AOPEP: variants seen among roughly 807,000 people sequenced by gnomAD.
AOPEP encodes aminopeptidase O (putative), also known as aminopeptidase O.
In AOPEP, 77 loss-of-function variants were observed where a neutral mutation model predicts 98.1. That is an observed-to-expected ratio of 0.78 (90% confidence interval 0.65 to 0.95). The LOEUF is 0.95. Ranked by LOEUF, AOPEP falls within the 40% of genes least tolerant of loss-of-function variation. The pLI, the probability that AOPEP is intolerant of heterozygous loss-of-function variation, is 0.00. For synonymous variants in AOPEP, 346 were observed against 365.3 expected (o/e 0.95, Z 0.60); for missense variants, 1,024 against 1,024.7 (o/e 1.00, Z 0.01).
At chr9:95,127,836 ACTG>A in the AOPEP span, among the ~76,000 whole-genome samples, 1 of 152,192 alleles carries the variant, frequency 6.6e-6, no homozygotes, top group African/African-American at 2.4e-5. Context: ...ACTGGTCAGC[ACTG>A]CTGGACCCGC....
intron 5 of AOPEP, among the ~76,000 whole-genome samples, chr9:94,857,752 C>A (rs1241380203): frequency 6.6e-6 from 1 of 152,140 alleles, no homozygotes; most frequent in Non-Finnish European, 1.5e-5. Flanking sequence ...CTTATCATTT[C>A]ATGGAATGTG....
intron 5 of AOPEP, among the ~76,000 whole-genome samples, chr9:94,891,990 C>T (rs962727244): frequency 2.6e-5 from 4 of 152,178 alleles, no homozygotes; most frequent in Non-Finnish European, 5.9e-5. Context: ...TCTTTCAGCA[C>T]TTGAAAAATA....
At chr9:94,997,077 T>C (rs2061291454) in intron 11 of AOPEP, among the ~76,000 whole-genome samples, 1 of 152,172 alleles carries the variant, frequency 6.6e-6, no homozygotes, top group African/African-American at 2.4e-5. Flanking sequence ...AGCACTAAGA[T>C]TGGGTTCCTA....
intron 13 of AOPEP, 114 bp from the exon 14 acceptor site, chr9:95,060,580 A>G (rs1688093418): frequency 4.1e-6 from 3 of 739,646 alleles, no homozygotes; most frequent in African/African-American, 1.7e-5. Context: ...TGTTGCCAAT[A>G]TATGCTGAAA....
chr9:95,071,164 A>G (rs1439352438), intron 14 of AOPEP, among the ~76,000 whole-genome samples: 2 of 152,196 alleles, frequency 1.3e-5, no homozygotes, highest in Non-Finnish European at 2.9e-5. Flanking sequence ...TTCAGATTTC[A>G]GATTTTTTTC....
intron 5 of AOPEP, among the ~76,000 whole-genome samples, chr9:94,886,561 C>T (rs542320550): frequency 1.8e-4 from 28 of 151,996 alleles, no homozygotes; most frequent in Non-Finnish European, 3.5e-4. Flanking sequence ...AAATTTTTTG[C>T]AACAAACATA....
intron 5 of AOPEP, among the ~76,000 whole-genome samples, chr9:94,922,157 C>A (rs2053710625): frequency 6.6e-6 from 1 of 152,222 alleles, no homozygotes; most frequent in Admixed American, 6.5e-5. Context: ...TTCCTTCAGG[C>A]CCTCGCAGAC....
At chr9:94,773,354 A>C (rs1427814731) in intron 3 of AOPEP, 186 bp downstream of exon 3, 1 of 494,572 alleles carries the variant, frequency 2.0e-6, no homozygotes, top group Non-Finnish European at 3.6e-6. Flanking sequence ...GAGCCTGGGC[A>C]TGGGATTTGG....
rs139797365 is a variant in AOPEP, at chr9:95,003,142, A to ATGTGTG, written c.1978-1997_1978-1992dup. ...TTCAATGGGATTTATAGAATTAAGA[A>ATGTGTG]TGTGTGTGTGTGTGTGTGTGTGTGC... On this transcript the variant is annotated intron_variant, in intron 11 of 16. Transcript: ENST00000375315. Among the ~76,000 whole-genome samples the ATGTGTG allele has an allele frequency of 2.3e-3, 338 of 149,464 alleles. 1 individual carries two copies. Among genetic ancestry groups the ATGTGTG allele is most frequent in the African/African-American group, 5.6e-3 (225 of 40,438 alleles).
chr9:94,865,536 G>A (rs1166838450), intron 5 of AOPEP, among the ~76,000 whole-genome samples: 2 of 152,188 alleles, frequency 1.3e-5, no homozygotes, highest in Non-Finnish European at 2.9e-5. Flanking sequence ...GCTGATTAGT[G>A]AGTCTTTTGC....
At chr9:94,922,339 C>T (rs190348636) in intron 5 of AOPEP, among the ~76,000 whole-genome samples, 1,780 of 151,906 alleles carry the variant, frequency 0.012, 34 homozygotes, top group African/African-American at 0.041. Context: ...TCTGTAAGGA[C>T]GTGCGTGTCT....
intron 3 of AOPEP, among the ~76,000 whole-genome samples, chr9:94,785,285 C>A (rs182372736): frequency 3.3e-5 from 5 of 152,362 alleles, no homozygotes; most frequent in African/African-American, 9.6e-5. Context: ...TGATCCATTT[C>A]AAGTTCTGTT....
intron 5 of AOPEP, among the ~76,000 whole-genome samples, chr9:94,884,497 G>C (rs1043399137): frequency 2.0e-5 from 3 of 152,124 alleles, no homozygotes; most frequent in Non-Finnish European, 4.4e-5. Flanking sequence ...GGAAAGACTT[G>C]GGATATAAAG....
chr9:94,840,186 A>T (rs1357294387), intron 5 of AOPEP, among the ~76,000 whole-genome samples: 1 of 152,090 alleles, frequency 6.6e-6, no homozygotes, highest in Non-Finnish European at 1.5e-5. Flanking sequence ...CTCCTAATTC[A>T]CTGAGAAATT....
the AOPEP span, among the ~76,000 whole-genome samples, chr9:95,131,281 T>C: frequency 1.3e-5 from 2 of 152,240 alleles, no homozygotes; most frequent in African/African-American, 4.8e-5. Flanking sequence ...CCTTCTAGCC[T>C]TGCCCAGTGG....
intron 5 of AOPEP, among the ~76,000 whole-genome samples, chr9:94,922,376 C>T (rs1045245078): frequency 3.9e-5 from 6 of 152,212 alleles, no homozygotes; most frequent in African/African-American, 1.4e-4. Flanking sequence ...ACCCTGCCCA[C>T]GCAGGCTTGC....
At chr9:95,048,323 C>T (rs2066017802) in intron 13 of AOPEP, among the ~76,000 whole-genome samples, 1 of 152,086 alleles carries the variant, frequency 6.6e-6, no homozygotes, top group Non-Finnish European at 1.5e-5. Context: ...TTCTCAAAGC[C>T]ATTTGAATTG....
intron 13 of AOPEP, among the ~76,000 whole-genome samples, chr9:95,016,552 T>C (rs2063016960): frequency 6.6e-6 from 1 of 152,100 alleles, no homozygotes; most frequent in Non-Finnish European, 1.5e-5. Flanking sequence ...CCTTTTGTGA[T>C]TTTTGAATGT....
At chr9:95,062,879 C>T (rs2067448013) in intron 14 of AOPEP, among the ~76,000 whole-genome samples, 1 of 152,200 alleles carries the variant, frequency 6.6e-6, no homozygotes. Context: ...GGAGGCAATG[C>T]CCCCGTGTTC....
Sources: gnomAD v4.1 joint callset for allele counts (sites outside exome capture counted in the v4.1 genomes callset) on GRCh38, gnomAD v4.1.1 for gene constraint, MANE v1.5 for transcripts, NCBI Gene and HGNC (gene_info 2026-07-23, HGNC 2026-07-21) for gene names.